The following ACACA variants were observed in gnomAD, a reference collection of about 807,000 sequenced individuals.
ACACA encodes the protein acetyl-CoA carboxylase alpha.
Under a neutral mutation model 296.1 loss-of-function variants are expected in ACACA, and 103 were observed. The observed-to-expected ratio is 0.35, with a 90% CI of 0.30 to 0.41. The LOEUF (loss-of-function observed/expected upper bound fraction) is 0.41. Ranked by LOEUF, ACACA falls within the 10% of genes least tolerant of loss-of-function variation. The pLI is 1.00. For synonymous variants in ACACA, 953 were observed against 1,038.6 expected (o/e 0.92, Z 1.58); for missense variants, 1,554 against 2,989.7 (o/e 0.52, Z 11.20).
intron 29 of ACACA, among the ~76,000 whole-genome samples, chr17:37,221,013 T>C (rs1348209004): frequency 6.6e-6 from 1 of 152,224 alleles, no homozygotes; most frequent in African/African-American, 2.4e-5. Context: ...GATGAACCTA[T>C]GTGTGGGTGG....
chr17:37,253,471 T>C (rs1294902957), intron 14 of ACACA, among the ~76,000 whole-genome samples: 1 of 152,164 alleles, frequency 6.6e-6, no homozygotes, highest in Non-Finnish European at 1.5e-5. Flanking sequence ...AGAGAGGCAG[T>C]TCCAAAAACA....
At chr17:37,202,668 CATATATATATATATATATATATATAT>C (rs1179497445) in intron 33 of ACACA, among the ~76,000 whole-genome samples, 3 of 71,188 alleles carry the variant, frequency 4.2e-5, no homozygotes, top group African/African-American at 1.0e-4. Flanking sequence ...CCTTTTCTTT[CATATATATATATATATATATATATAT>C]ATATATATAT....
intron 1 of ACACA, among the ~76,000 whole-genome samples, chr17:37,374,042 T>G (rs1192315797): frequency 6.6e-6 from 1 of 152,166 alleles, no homozygotes; most frequent in Non-Finnish European, 1.5e-5. Flanking sequence ...CTCTGCTTTC[T>G]TTCTCATAGC....
At chr17:37,160,784 G>A (rs983345107) in intron 42 of ACACA, among the ~76,000 whole-genome samples, 2 of 152,162 alleles carry the variant, frequency 1.3e-5, no homozygotes, top group African/African-American at 4.8e-5. Flanking sequence ...GTTTAAGCCA[G>A]ATAGGAATGA....
Position 37,251,551 on chromosome 17 carries a change from T to C in ACACA, c.2081+454A>G, listed in dbSNP as rs146264400. Among the ~76,000 whole-genome samples, 8 of 152,344 alleles carry C rather than the reference T, an allele frequency of 5.3e-5. No individual in the cohort carries two copies. In the East Asian group the frequency reaches 1.5e-3, roughly 29 times the overall value. ...CCTCAATCAGCAATAGAAATTAGTT[T>C]AGCCCCATAGATGTCTGACCCTCTA... On this transcript the variant is annotated intron_variant, in intron 16 of 55. Transcript: ENST00000616317.
chr17:37,203,002 C>G (rs1424508191), intron 33 of ACACA, among the ~76,000 whole-genome samples: 1 of 146,662 alleles, frequency 6.8e-6, no homozygotes, highest in African/African-American at 2.6e-5. Flanking sequence ...CTTGTTCTGT[C>G]GCCAGGCTGG....
intron 52 of ACACA, among the ~76,000 whole-genome samples, chr17:37,100,340 G>C (rs1299385977): frequency 6.6e-6 from 1 of 152,134 alleles, no homozygotes; most frequent in Non-Finnish European, 1.5e-5. Context: ...AACACCTTAA[G>C]CAAGTAATTA....
chr17:37,207,898 G>A, intron 30 of ACACA, 98 bp from the exon 31 acceptor site: 1 of 1,428,864 alleles, frequency 7.0e-7, no homozygotes, highest in Non-Finnish European at 9.9e-7. Flanking sequence ...AAACTCTGAA[G>A]TAGGGTCAGG....
intron 3 of ACACA, among the ~76,000 whole-genome samples, chr17:37,316,653 T>G (rs1385154701): frequency 6.6e-6 from 1 of 152,140 alleles, no homozygotes; most frequent in Non-Finnish European, 1.5e-5. Flanking sequence ...TTCAAAAAAC[T>G]AAAAATAGAG....
At chr17:37,326,065 C>T (rs1040539515) in intron 3 of ACACA, among the ~76,000 whole-genome samples, 3 of 151,538 alleles carry the variant, frequency 2.0e-5, no homozygotes, top group Non-Finnish European at 2.9e-5. Flanking sequence ...AAAAATTAGC[C>T]GGGCATGGTG....
At position 37,094,585 on chromosome 17, in the gene ACACA, C is replaced by A. The variant is rs61314170; in HGVS notation, c.6891+2411G>T. On this transcript the variant is annotated intron_variant, in intron 54 of 55. Coordinates refer to ENST00000616317, the MANE Select transcript of ACACA (RefSeq NM_198834.3). ...CTTTGAAGAACCACCCCCCCCCCCC[C>A]ACACCAAACAGCAAGCAGATTGTAC... is the stretch of plus-strand genomic sequence containing the variant. Among the ~76,000 whole-genome samples, 286 of 122,648 alleles carry A rather than the reference C, an allele frequency of 2.3e-3. 2 individuals carry two copies. Among genetic ancestry groups the A allele is most frequent in the African/African-American group, 7.8e-3 (249 of 32,078 alleles). 80.5% of individuals were successfully genotyped at this position (122,648 alleles called of 152,430 possible). A position where few individuals can be genotyped will look rare whatever the true frequency, so the allele number is the denominator to read the frequency against.
Position 37,245,124 on chromosome 17 carries a change from C to T in ACACA, c.2551G>A (p.Val851Ile). ...RPGAALDPGC[V>I]LAKMQLDNPS... ...TTGTCCAGTTGCATTTTGGCTAGTA[C>T]ACAGCCAGGGTCAAGAGCTGCTCCA... Residue 851 changes from valine (V) to isoleucine (I), a missense_variant, in exon 20 of 56, where the codon GTA becomes ATA. Transcript: ENST00000616317. 1 of 1,614,192 alleles carries T rather than the reference C, an allele frequency of 6.2e-7. No individual in the cohort carries two copies. Among genetic ancestry groups the T allele is most frequent in the Non-Finnish European group, 8.5e-7 (1 of 1,180,024 alleles).
chr17:37,257,583 A>C, intron 14 of ACACA, 120 bp downstream of exon 14: 1 of 996,138 alleles, frequency 1.0e-6, no homozygotes, highest in Non-Finnish European at 1.5e-6. Context: ...AAATTTCTTC[A>C]AAAAGGTTGT....
At chr17:37,323,552 C>G (rs2047452370) in intron 3 of ACACA, among the ~76,000 whole-genome samples, 1 of 152,144 alleles carries the variant, frequency 6.6e-6, no homozygotes, top group Non-Finnish European at 1.5e-5. Flanking sequence ...ATGATTGCGC[C>G]ACTGAACACT....
At chr17:37,181,430 T>C (rs1314663155) in intron 39 of ACACA, 74 bp from the exon 40 acceptor site, 2 of 1,529,420 alleles carry the variant, frequency 1.3e-6, no homozygotes, top group Non-Finnish European at 9.0e-7. Context: ...GGGGCTTTTT[T>C]TGCACAAATA....
chr17:37,168,484 T>C (rs770639983), intron 41 of ACACA, among the ~76,000 whole-genome samples: 1 of 152,040 alleles, frequency 6.6e-6, no homozygotes, highest in Non-Finnish European at 1.5e-5. Flanking sequence ...GTTTATATTA[T>C]TTATGCCTAC....
At chr17:37,290,197 G>A (rs1292339152) in intron 3 of ACACA, among the ~76,000 whole-genome samples, 2 of 152,108 alleles carry the variant, frequency 1.3e-5, no homozygotes, top group African/African-American at 2.4e-5. Context: ...ACAGGCATGT[G>A]CCACCACGCT....
At chr17:37,377,966 G>GT (rs1568075268) in intron 1 of ACACA, 1 of 1,613,120 alleles carries the variant, frequency 6.2e-7, no homozygotes, top group South Asian at 1.1e-5. Context: ...CAAATGCAAG[G>GT]TAGGGAATGG....
intron 11 of ACACA, among the ~76,000 whole-genome samples, chr17:37,262,055 G>A (rs2081537735): frequency 6.6e-6 from 1 of 152,026 alleles, no homozygotes; most frequent in South Asian, 2.1e-4. Flanking sequence ...GGGGCTTCAG[G>A]TTGTCTTCCT....
Sources: allele counts gnomAD v4.1 joint callset (sites outside exome capture counted in the v4.1 genomes callset), GRCh38; gene constraint gnomAD v4.1.1; transcripts MANE v1.5; gene names NCBI Gene and HGNC (gene_info 2026-07-23, HGNC 2026-07-21).